The following GSE1 variants were observed in gnomAD, a reference collection of about 807,000 sequenced individuals.
The protein encoded by GSE1 is Gse1 coiled-coil protein.
A neutral mutation model predicts 112.6 loss-of-function variants in GSE1; 32 were observed. The observed-to-expected ratio is 0.28, with a 90% CI of 0.21 to 0.38. The LOEUF (loss-of-function observed/expected upper bound fraction) is 0.38. Among genes scored for constraint, GSE1 ranks in the 10% least tolerant of loss-of-function variants. The probability of loss-of-function intolerance (pLI) is 1.00; values close to 1 mark genes in which losing one functional copy is unlikely to be tolerated. For missense variants in GSE1, 2,348 were observed against 1,699.2 expected, an observed-to-expected ratio of 1.38 and a Z score of -6.71; for synonymous variants, 1,115 against 735.6, an observed-to-expected ratio of 1.52 and a Z score of -8.35.
At chr16:85,468,342 G>T (rs374399917) in intron 2 of GSE1, among the ~76,000 whole-genome samples, 227 of 146,922 alleles carry the variant, frequency 1.5e-3, no homozygotes, top group African/African-American at 5.5e-3. Flanking sequence ...TTTGAGGTGG[G>T]GTCTCACTCT....
chr16:85,641,434 C>T (rs559700734), intron 2 of GSE1, among the ~76,000 whole-genome samples: 1 of 152,144 alleles, frequency 6.6e-6, no homozygotes, highest in East Asian at 1.9e-4. Flanking sequence ...CCCCCCCCCG[C>T]CCTTTTGCAG....
intron 2 of GSE1, among the ~76,000 whole-genome samples, chr16:85,542,585 C>T (rs548179599): frequency 2.5e-3 from 375 of 152,354 alleles, no homozygotes; most frequent in African/African-American, 8.0e-3. Flanking sequence ...CACAAACAAC[C>T]GGAAAGGCTG....
intron 1 of GSE1, among the ~76,000 whole-genome samples, chr16:85,559,690 C>G (rs1484438024): frequency 6.6e-6 from 1 of 152,186 alleles, no homozygotes; most frequent in African/African-American, 2.4e-5. Context: ...GGGCGGGTGA[C>G]TGATACTCTC....
At chr16:85,568,234 G>A (rs2045840933) in intron 1 of GSE1, among the ~76,000 whole-genome samples, 1 of 152,256 alleles carries the variant, frequency 6.6e-6, no homozygotes, top group Non-Finnish European at 1.5e-5. Context: ...TGCTTCTGGA[G>A]TTTCCTGAAG....
At chr16:85,435,492 GC>G (rs1200358131) in intron 2 of GSE1, among the ~76,000 whole-genome samples, 1 of 152,274 alleles carries the variant, frequency 6.6e-6, no homozygotes, top group African/African-American at 2.4e-5. Flanking sequence ...ATCTGTCACA[GC>G]CCCCCGCAGC....
In GSE1 at chr16:85,331,705, ATATTTTTT is replaced by A. The variant is rs1421009516; in HGVS notation, c.2284-25756_2284-25749del. 4.9e-4 allele frequency among the ~76,000 whole-genome samples: 26 copies of A among 52,838 alleles called. 2 individuals carry two copies. The highest frequency in any genetic ancestry group is 2.5e-3 in the Admixed American group (11 of 4,452). 34.7% of individuals were successfully genotyped at this position (52,838 alleles called of 152,430 possible). ...TGTGTGTATATATATATATATATAT[ATATTTTTT>A]TTTTTTTTTTTTTTAGTTAAGATGG... On this transcript the variant is annotated intron_variant, in intron 1 of 2. Coordinates refer to the GSE1 transcript ENST00000637419.
intron 1 of GSE1, among the ~76,000 whole-genome samples, chr16:85,623,062 TTA>T (rs1567667983): frequency 2.0e-5 from 3 of 152,126 alleles, no homozygotes; most frequent in African/African-American, 7.2e-5. Context: ...TTTTTATGGC[TTA>T]GACTTTTCGG....
Position 85,674,169 on chromosome 16 carries a change from C to T in GSE1, c.*1630C>T, listed in dbSNP as rs77529955. Reference sequence around the variant, plus strand: ...CCTGAGCTGAGGGCAGGGTGCCTGACCTGTGTGCCGGCTGCTCACTGCTGT... The same window carrying T: ...CCTGAGCTGAGGGCAGGGTGCCTGATCTGTGTGCCGGCTGCTCACTGCTGT... On this transcript the variant is annotated 3_prime_UTR_variant, in exon 16 of 16. Transcript: ENST00000253458. 0.014 allele frequency: 2,195 copies of T among 152,166 alleles called. 25 individuals carry two copies. The highest frequency in any genetic ancestry group is 0.021 in the Non-Finnish European group (1,462 of 68,142). 9.4% of individuals were successfully genotyped at this position (152,166 alleles called of 1,614,324 possible). A position where few individuals can be genotyped will look rare whatever the true frequency, so the allele number is the denominator to read the frequency against.
chr16:85,236,150 C>T lies in GSE1; in HGVS notation c.2283+64343C>T, dbSNP rs528812116. 5.9e-3 allele frequency among the ~76,000 whole-genome samples: 902 copies of T among 152,266 alleles called. 5 individuals are homozygous for T. The highest frequency in any genetic ancestry group is 0.024 in the Middle Eastern group (7 of 294). ...TGGGCCACCGGACCGGAAAAGAGGG[C>T]GGCCGGGCTCGGGTTTCTCCTGGTG... On this transcript the variant is annotated intron_variant, in intron 1 of 2. Transcript: ENST00000637419.
At chr16:85,553,305 C>T (rs954038495), upstream of GSE1, among the ~76,000 whole-genome samples, 1 of 150,540 alleles carries the variant, frequency 6.6e-6, no homozygotes, top group African/African-American at 2.4e-5. Context: ...CCGCCGCCGC[C>T]GCCGCTGCCG....
At chr16:85,507,793 C>T (rs1326071438) in intron 2 of GSE1, among the ~76,000 whole-genome samples, 1 of 152,212 alleles carries the variant, frequency 6.6e-6, no homozygotes, top group Admixed American at 6.5e-5. Context: ...GCTGGGATGT[C>T]AGCGTGTCAA....
chr16:85,663,340 C>T lies in GSE1; in HGVS notation c.2374-4C>T. 5 of 1,613,568 alleles carry T rather than the reference C, an allele frequency of 3.1e-6. No homozygotes were observed. The highest frequency in any genetic ancestry group is 3.4e-6 in the Non-Finnish European group (4 of 1,179,896). Reference sequence around the variant, plus strand: ...AAACTCATTTGTTTTCTTTCCCAATCTAGAAGCTAGAGTTTTTGCAACTTT... The same window carrying T: ...AAACTCATTTGTTTTCTTTCCCAATTTAGAAGCTAGAGTTTTTGCAACTTT... On this transcript the variant is annotated splice_region_variant and splice_polypyrimidine_tract_variant and intron_variant, in intron 10 of 15. Coordinates refer to ENST00000253458, the MANE Select transcript of GSE1 (RefSeq NM_014615.5).
chr16:85,363,282 G>T (rs897079310), intron 2 of GSE1, among the ~76,000 whole-genome samples: 1 of 152,228 alleles, frequency 6.6e-6, no homozygotes, highest in Non-Finnish European at 1.5e-5. Context: ...ATACTGGGGT[G>T]TTGCCTTGCT....
intron 1 of GSE1, among the ~76,000 whole-genome samples, chr16:85,574,071 C>T (rs1336032989): frequency 6.6e-6 from 1 of 151,912 alleles, no homozygotes; most frequent in Admixed American, 6.5e-5. Context: ...CGGGCGGGGG[C>T]GCCAGGCCTC....
intron 2 of GSE1, among the ~76,000 whole-genome samples, chr16:85,422,871 C>T (rs1016450671): frequency 4.6e-5 from 7 of 152,150 alleles, no homozygotes; most frequent in East Asian, 1.9e-4. Flanking sequence ...CCAGGCCTGA[C>T]GCTCGGGGCT....
chr16:85,533,837 C>A (rs1401404674), intron 2 of GSE1, among the ~76,000 whole-genome samples: 3 of 152,082 alleles, frequency 2.0e-5, no homozygotes, highest in Non-Finnish European at 4.4e-5. Flanking sequence ...CGCACTTCAG[C>A]CTGGGCAACA....
At chr16:85,238,951 A>T (rs1157772086) in intron 1 of GSE1, among the ~76,000 whole-genome samples, 1 of 151,650 alleles carries the variant, frequency 6.6e-6, no homozygotes, top group Non-Finnish European at 1.5e-5. Flanking sequence ...TTTTTTTGAG[A>T]TGGAGCCTCG....
At chr16:85,340,261 G>T (rs2046595989) in intron 1 of GSE1, among the ~76,000 whole-genome samples, 1 of 152,110 alleles carries the variant, frequency 6.6e-6, no homozygotes, top group South Asian at 2.1e-4. Flanking sequence ...GAGACAGGAG[G>T]ATCACTTGAG....
At chr16:85,568,683 C>T (rs940343399) in intron 1 of GSE1, among the ~76,000 whole-genome samples, 23 of 152,194 alleles carry the variant, frequency 1.5e-4, no homozygotes, top group African/African-American at 5.5e-4. Flanking sequence ...GAAACCCTTC[C>T]CCATTCACTC....
Sources: gnomAD v4.1 joint callset for allele counts (sites outside exome capture counted in the v4.1 genomes callset) on GRCh38, gnomAD v4.1.1 for gene constraint, MANE v1.5 for transcripts, NCBI Gene and HGNC (gene_info 2026-07-23, HGNC 2026-07-21) for gene names.